The following PIK3CB variants were observed in gnomAD, a reference collection of about 807,000 sequenced individuals.
The protein encoded by PIK3CB is phosphatidylinositol-4,5-bisphosphate 3-kinase catalytic subunit beta.
PIK3CB carries 39 observed loss-of-function variants against 136.8 expected under a neutral mutation model. That is an observed-to-expected ratio of 0.29 (90% CI 0.22 to 0.37). The LOEUF (loss-of-function observed/expected upper bound fraction) is 0.37. Among genes scored for constraint, PIK3CB ranks in the 10% least tolerant of loss-of-function variants. The pLI, the probability that PIK3CB is intolerant of heterozygous loss-of-function variation, is 1.00. For synonymous variants in PIK3CB, 428 were observed against 436.6 expected, an observed-to-expected ratio of 0.98 and a Z score of 0.25; for missense variants, 868 against 1,275.4, an observed-to-expected ratio of 0.68 and a Z score of 4.87.
intron 19 of PIK3CB, among the ~76,000 whole-genome samples, chr3:138,680,081 A>T (rs868264612): frequency 2.0e-5 from 3 of 148,902 alleles, no homozygotes; most frequent in Admixed American, 6.7e-5. Context: ...AAGAAAAGAC[A>T]GGGGGCGGCG....
At chr3:138,786,765 GGT>G (rs1367867692) in intron 2 of PIK3CB, among the ~76,000 whole-genome samples, 1 of 152,042 alleles carries the variant, frequency 6.6e-6, no homozygotes, top group Non-Finnish European at 1.5e-5. Context: ...TATTTAACAT[GGT>G]TTAAAAAACA....
At chr3:138,808,738 C>T (rs1195810039) in intron 1 of PIK3CB, among the ~76,000 whole-genome samples, 3 of 151,476 alleles carry the variant, frequency 2.0e-5, no homozygotes, top group Non-Finnish European at 2.9e-5. Context: ...CTCCTTTTCT[C>T]TCTCTCTCTC....
intron 2 of PIK3CB, among the ~76,000 whole-genome samples, chr3:138,781,178 G>C (rs183386631): frequency 6.6e-6 from 1 of 152,008 alleles, no homozygotes; most frequent in East Asian, 1.9e-4. Flanking sequence ...TGCAGCCCCA[G>C]CTACTCAGGA....
chr3:138,705,174 C>CAAAAAAAAAAA (rs1159172292), intron 11 of PIK3CB, among the ~76,000 whole-genome samples: 1 of 57,060 alleles, frequency 1.8e-5, no homozygotes, highest in East Asian at 1.2e-3. Context: ...AAAAAAAAAA[C>CAAAAAAAAAAA]AAAAAACAAA....
Position 138,653,739 on chromosome 3 carries a change from A to T in PIK3CB, c.*1650T>A, listed in dbSNP as rs186358487. On this transcript the variant is annotated 3_prime_UTR_variant, in exon 24 of 24. Coordinates refer to ENST00000674063, the MANE Select transcript of PIK3CB (RefSeq NM_006219.3). ...CATCTGCCCCATGAACAAGAGCTCC[A>T]AAGCAGCAGAGTCTGGCCTTGGCTC... is the stretch of plus-strand genomic sequence containing the variant. 411 of 188,036 alleles carry T rather than the reference A, an allele frequency of 2.2e-3. 1 individual carries two copies. The highest frequency in any genetic ancestry group is 9.1e-3 in the African/African-American group (389 of 42,852). The allele number at this position is 188,036 out of a possible 1,614,324, so 11.6% of individuals were successfully genotyped here. A position where few individuals can be genotyped will look rare whatever the true frequency, so the allele number is the denominator to read the frequency against.
At chr3:138,655,603 G>C (rs1371087330) in intron 23 of PIK3CB, 77 bp from the exon 24 acceptor site, 1 of 1,202,112 alleles carries the variant, frequency 8.3e-7, no homozygotes, top group Non-Finnish European at 1.2e-6. Flanking sequence ...GCAGGAGGCT[G>C]GATTGGTTGT....
chr3:138,661,812 T>C (rs1337668753), intron 21 of PIK3CB, among the ~76,000 whole-genome samples: 1 of 152,220 alleles, frequency 6.6e-6, no homozygotes, highest in Non-Finnish European at 1.5e-5. Flanking sequence ...ATTTTCATTC[T>C]AGTATGCCTC....
chr3:138,747,055 TA>T (rs2045370151), intron 4 of PIK3CB, among the ~76,000 whole-genome samples: 3 of 880 alleles, frequency 3.4e-3, no homozygotes, highest in African/African-American at 8.7e-3. Context: ...ATTCAGCCTT[TA>T]TATATATATA....
At chr3:138,809,843 C>T (rs945455687) in intron 1 of PIK3CB, among the ~76,000 whole-genome samples, 2 of 152,180 alleles carry the variant, frequency 1.3e-5, no homozygotes, top group Middle Eastern at 3.4e-3. Flanking sequence ...GAAGCAGATA[C>T]CCCAGTAGTA....
chr3:138,722,695 A>G (rs970781073), intron 8 of PIK3CB, among the ~76,000 whole-genome samples: 1 of 149,430 alleles, frequency 6.7e-6, no homozygotes, highest in African/African-American at 2.4e-5. Flanking sequence ...TAAAAGCTCA[A>G]AAAAAAAAAA....
At chr3:138,796,912 TA>T (rs2046114878) in intron 1 of PIK3CB, 1 of 152,260 alleles carries the variant, frequency 6.6e-6, no homozygotes, top group Non-Finnish European at 1.5e-5. Flanking sequence ...ACAAAGGCTT[TA>T]AAGGCCAAAA....
intron 19 of PIK3CB, 22 bp from the exon 20 acceptor site, chr3:138,665,225 T>C: frequency 1.3e-6 from 2 of 1,518,720 alleles, no homozygotes; most frequent in Non-Finnish European, 1.8e-6. Context: ...AAAATGGGCA[T>C]AGAGTCATAT....
chr3:138,727,545 A>C (rs2044866622), intron 8 of PIK3CB, among the ~76,000 whole-genome samples: 1 of 152,252 alleles, frequency 6.6e-6, no homozygotes, highest in Admixed American at 6.5e-5. Flanking sequence ...GCCTACAATC[A>C]CATGGAACAG....
chr3:138,753,781 A>G (rs994192513), intron 4 of PIK3CB, among the ~76,000 whole-genome samples: 2 of 152,086 alleles, frequency 1.3e-5, no homozygotes, highest in African/African-American at 4.8e-5. Context: ...ACTCCAGCCT[A>G]GGTGACAGAA....
intron 1 of PIK3CB, among the ~76,000 whole-genome samples, chr3:138,828,367 A>T (rs1166027453): frequency 6.6e-6 from 1 of 150,864 alleles, no homozygotes; most frequent in Non-Finnish European, 1.5e-5. Flanking sequence ...TTGTATTTTT[A>T]GTAGAGACGG....
chr3:138,800,445 CTT>C (rs1022999047), intron 1 of PIK3CB, among the ~76,000 whole-genome samples: 2 of 151,166 alleles, frequency 1.3e-5, no homozygotes, highest in African/African-American at 4.9e-5. Flanking sequence ...ACTTCAGCCT[CTT>C]GAGTAGCTGG....
At chr3:138,748,174 C>T (rs996475947) in intron 4 of PIK3CB, among the ~76,000 whole-genome samples, 5 of 151,304 alleles carry the variant, frequency 3.3e-5, no homozygotes, top group African/African-American at 1.2e-4. Context: ...CACACACACA[C>T]ACACACACAC....
intron 2 of PIK3CB, among the ~76,000 whole-genome samples, chr3:138,784,115 G>C (rs1431234526): frequency 3.9e-5 from 6 of 152,204 alleles, no homozygotes; most frequent in Admixed American, 2.6e-4. Flanking sequence ...ATCCGGGCCA[G>C]GCACAGTGGC....
chr3:138,781,411 T>C lies in PIK3CB; in HGVS notation c.-17+15052A>G, dbSNP rs2045921818. On this transcript the variant is annotated intron_variant, in intron 2 of 23. Coordinates refer to ENST00000674063, the MANE Select transcript of PIK3CB (RefSeq NM_006219.3). ...GGAGGGCGGCTTGAGCCCAGGAGTTTGAAGCCAGCCTGGACAACATAGTGA... is the reference window on the plus strand; with the variant it reads ...GGAGGGCGGCTTGAGCCCAGGAGTTCGAAGCCAGCCTGGACAACATAGTGA... Among the ~76,000 whole-genome samples the C allele has an allele frequency of 2.0e-5, 3 of 151,832 alleles. No homozygotes were observed. The South Asian group carries it at 6.2e-4, about 31-fold the overall frequency.
Sources: allele counts gnomAD v4.1 joint callset (sites outside exome capture counted in the v4.1 genomes callset), GRCh38; gene constraint gnomAD v4.1.1; transcripts MANE v1.5; gene names NCBI Gene and HGNC (gene_info 2026-07-23, HGNC 2026-07-21).